The following KCNJ6 variants were observed in gnomAD, a reference collection of about 807,000 sequenced individuals.
KCNJ6 encodes the protein potassium inwardly rectifying channel subfamily J member 6, also known as G protein-activated inward rectifier potassium channel 2.
A neutral mutation model predicts 34.2 loss-of-function variants in KCNJ6; 9 were observed. That is an observed-to-expected ratio of 0.26 (90% confidence interval 0.16 to 0.46). The LOEUF (loss-of-function observed/expected upper bound fraction) is 0.46. Among genes scored for constraint, KCNJ6 ranks in the 20% least tolerant of loss-of-function variants. KCNJ6 has a pLI of 1.00. For missense variants in KCNJ6, 236 were observed against 531.3 expected (o/e 0.44, Z 5.46); for synonymous variants, 196 against 207.1 (o/e 0.95, Z 0.46).
chr21:37,820,067 T>C (rs1301416058), intron 2 of KCNJ6, among the ~76,000 whole-genome samples: 2 of 152,092 alleles, frequency 1.3e-5, no homozygotes, highest in Non-Finnish European at 2.9e-5. Flanking sequence ...GGATTACAGA[T>C]GTGAACCACT....
chr21:37,617,686 C>T lies in KCNJ6; in HGVS notation c.*7473G>A, dbSNP rs888478938. 14 of 152,146 alleles carry T rather than the reference C, an allele frequency of 9.2e-5. 1 individual carries two copies. The highest frequency in any genetic ancestry group is 2.1e-4 in the South Asian group (1 of 4,828). 9.4% of individuals were successfully genotyped at this position (152,146 alleles called of 1,614,324 possible). A position where few individuals can be genotyped will look rare whatever the true frequency, so the allele number is the denominator to read the frequency against. Reference sequence around the variant, plus strand: ...TGCCCACGGCATCGTGATACCAAAACGTGAGACTTCCTAGAGAAAAGAGAA... The same window carrying T: ...TGCCCACGGCATCGTGATACCAAAATGTGAGACTTCCTAGAGAAAAGAGAA... On this transcript the variant is annotated 3_prime_UTR_variant, in exon 4 of 4. Coordinates refer to ENST00000609713, the MANE Select transcript of KCNJ6 (RefSeq NM_002240.5).
intron 1 of KCNJ6, among the ~76,000 whole-genome samples, chr21:37,873,890 ACCTCATTCCTCAGCATTTTT>A (rs2123615658): frequency 6.6e-6 from 1 of 152,070 alleles, no homozygotes; most frequent in Admixed American, 6.5e-5. Flanking sequence ...CTCAGCATTT[ACCTCATTCCTCAGCATTTTT>A]CCAGTCCTTC....
intron 3 of KCNJ6, among the ~76,000 whole-genome samples, chr21:37,640,224 G>C (rs1208348018): frequency 6.6e-6 from 1 of 152,218 alleles, no homozygotes; most frequent in Non-Finnish European, 1.5e-5. Context: ...TCATTTTACA[G>C]AGCACAGTCT....
chr21:37,620,115 T>G lies in KCNJ6; in HGVS notation c.*5044A>C, dbSNP rs1274590826. The G allele has an allele frequency of 6.6e-6, 1 of 152,214 alleles. No individual in the cohort carries two copies. The highest frequency in any genetic ancestry group is 1.5e-5 in the Non-Finnish European group (1 of 68,044). The allele number at this position is 152,214 out of a possible 1,614,324, so 9.4% of individuals were successfully genotyped here. On this transcript the variant is annotated 3_prime_UTR_variant, in exon 4 of 4. Transcript: ENST00000609713. ...TAGAAAAAAAGTCATTCTTCTATATTGCCTAGGACTCTCTTAAGAGTACAG... is the reference window on the plus strand; with the variant it reads ...TAGAAAAAAAGTCATTCTTCTATATGGCCTAGGACTCTCTTAAGAGTACAG...
intron 3 of KCNJ6, among the ~76,000 whole-genome samples, chr21:37,713,462 G>A (rs1219785938): frequency 2.6e-5 from 4 of 152,198 alleles, no homozygotes; most frequent in East Asian, 1.9e-4. Flanking sequence ...GGCAGAACCT[G>A]CTTTGCTGTT....
chr21:37,736,909 T>C (rs541520736), intron 2 of KCNJ6, among the ~76,000 whole-genome samples: 1 of 152,342 alleles, frequency 6.6e-6, no homozygotes, highest in Admixed American at 6.5e-5. Flanking sequence ...ATAATACTTT[T>C]ATGCAACTTA....
chr21:37,796,400 T>A (rs1171925225), intron 2 of KCNJ6, among the ~76,000 whole-genome samples: 1 of 152,106 alleles, frequency 6.6e-6, no homozygotes, highest in Non-Finnish European at 1.5e-5. Flanking sequence ...GGCAAAGTGG[T>A]TGGTATTTCA....
intron 1 of KCNJ6, among the ~76,000 whole-genome samples, chr21:37,868,865 C>G (rs2055636308): frequency 6.6e-6 from 1 of 152,222 alleles, no homozygotes; most frequent in Non-Finnish European, 1.5e-5. Flanking sequence ...TCAGAATCCA[C>G]AGTACACAAG....
chr21:37,704,730 C>T (rs2054710380), intron 3 of KCNJ6, among the ~76,000 whole-genome samples: 3 of 152,024 alleles, frequency 2.0e-5, no homozygotes, highest in African/African-American at 7.2e-5. Context: ...GAATGGAAAC[C>T]CCAGCCGAGC....
intron 2 of KCNJ6, among the ~76,000 whole-genome samples, chr21:37,836,395 A>C (rs2055451780): frequency 6.6e-6 from 1 of 152,206 alleles, no homozygotes; most frequent in Non-Finnish European, 1.5e-5. Flanking sequence ...CTGGGTATAT[A>C]CCCAAAGGAT....
intron 3 of KCNJ6, among the ~76,000 whole-genome samples, chr21:37,696,609 A>G (rs897381010): frequency 6.6e-6 from 1 of 152,222 alleles, no homozygotes; most frequent in Non-Finnish European, 1.5e-5. Flanking sequence ...TTCCTAGAAT[A>G]TAAGAAGAAA....
chr21:37,772,445 T>G (rs1168080308), intron 2 of KCNJ6, among the ~76,000 whole-genome samples: 1 of 152,198 alleles, frequency 6.6e-6, no homozygotes, highest in East Asian at 1.9e-4. Context: ...CTGTTTTTCA[T>G]TCAGGCACTT....
rs2054233822 is a variant in KCNJ6, at chr21:37,609,045, C to T, written c.*16114G>A. 1 of 152,142 alleles carries T rather than the reference C, an allele frequency of 6.6e-6. No individual in the cohort carries two copies. Among genetic ancestry groups the T allele is most frequent in the Non-Finnish European group, 1.5e-5 (1 of 68,018 alleles). The allele number at this position is 152,142 out of a possible 1,614,324, so 9.4% of individuals were successfully genotyped here. A position where few individuals can be genotyped will look rare whatever the true frequency, so the allele number is the denominator to read the frequency against. ...CTTCATGAACCTTGAAAATGGAACA[C>T]TTTATTTCTCTGTAGGATGTGAGCA... On this transcript the variant is annotated 3_prime_UTR_variant, in exon 4 of 4. Transcript: ENST00000609713.
intron 3 of KCNJ6, among the ~76,000 whole-genome samples, chr21:37,668,168 C>A (rs73904025): frequency 6.6e-6 from 1 of 152,038 alleles, no homozygotes; most frequent in South Asian, 2.1e-4. Flanking sequence ...AAGCATACCC[C>A]CTCCAGTGCT....
At chr21:37,806,151 C>T (rs1000773499) in intron 2 of KCNJ6, among the ~76,000 whole-genome samples, 1 of 152,292 alleles carries the variant, frequency 6.6e-6, no homozygotes, top group Non-Finnish European at 1.5e-5. Flanking sequence ...CAGCAACTGG[C>T]TGATAAAAAA....
chr21:37,839,312 G>C (rs1006723140), intron 2 of KCNJ6, among the ~76,000 whole-genome samples: 4 of 152,116 alleles, frequency 2.6e-5, no homozygotes, highest in African/African-American at 9.7e-5. Context: ...AGTGCTGAAG[G>C]GATTTTTTTC....
chr21:37,786,702 A>G (rs2055194283), intron 2 of KCNJ6, among the ~76,000 whole-genome samples: 1 of 152,212 alleles, frequency 6.6e-6, no homozygotes, highest in African/African-American at 2.4e-5. Context: ...GATTCAGCAG[A>G]GATTGGCTCT....
chr21:37,748,122 T>C (rs1248988655), intron 2 of KCNJ6, among the ~76,000 whole-genome samples: 1 of 152,196 alleles, frequency 6.6e-6, no homozygotes, highest in Non-Finnish European at 1.5e-5. Context: ...TGTAAGTTTC[T>C]AGGGCCATTT....
chr21:37,902,260 AAC>A (rs1334985182), intron 1 of KCNJ6, among the ~76,000 whole-genome samples: 2 of 152,216 alleles, frequency 1.3e-5, no homozygotes. Context: ...TCCCATCTGA[AAC>A]ACAAATTTAT....
Sources: gnomAD v4.1 joint callset for allele counts (sites outside exome capture counted in the v4.1 genomes callset) on GRCh38, gnomAD v4.1.1 for gene constraint, MANE v1.5 for transcripts, NCBI Gene and HGNC (gene_info 2026-07-23, HGNC 2026-07-21) for gene names.